The following GPC3 variants were observed in gnomAD, a reference collection of about 807,000 sequenced individuals.
The protein encoded by GPC3 is glypican-3.
Under a neutral mutation model 34.4 loss-of-function variants are expected in GPC3, and 3 were observed. The observed-to-expected ratio is 0.09, with a 90% CI of 0.04 to 0.23. The LOEUF (loss-of-function observed/expected upper bound fraction) is 0.23. GPC3 is among the 10% of genes least tolerant of loss of function. The probability of loss-of-function intolerance (pLI) is 1.00; values close to 1 mark genes in which losing one functional copy is unlikely to be tolerated. For missense variants in GPC3, 351 were observed against 445.6 expected, an observed-to-expected ratio of 0.79 and a Z score of 1.91; for synonymous variants, 177 against 174.0, an observed-to-expected ratio of 1.02 and a Z score of -0.13.
intron 2 of GPC3, among the ~76,000 whole-genome samples, chrX:133,932,716 C>T (rs973752202): frequency 3.6e-5 from 4 of 111,295 alleles, no homozygotes; most frequent in African/African-American, 1.3e-4. Flanking sequence ...GACCCCTTTA[C>T]GTATCTGACT....
At chrX:133,877,215 G>GTAA (rs1415988481) in intron 2 of GPC3, among the ~76,000 whole-genome samples, 1 of 111,541 alleles carries the variant, frequency 9.0e-6, no homozygotes, top group Non-Finnish European at 1.9e-5. Flanking sequence ...ATTAGAGTTT[G>GTAA]TAATAATAAT....
At chrX:133,777,712 G>A (rs1376074563) in intron 2 of GPC3, among the ~76,000 whole-genome samples, 2 of 111,696 alleles carry the variant, frequency 1.8e-5, no homozygotes, top group African/African-American at 6.5e-5. Flanking sequence ...TGGGGTGCTT[G>A]TTAAATATAC....
At chrX:133,943,070 A>G (rs1446922504) in intron 2 of GPC3, among the ~76,000 whole-genome samples, 2 of 112,017 alleles carry the variant, frequency 1.8e-5, no homozygotes, top group African/African-American at 6.5e-5. Flanking sequence ...AGGAAGAACA[A>G]CTATAAACAG....
intron 1 of GPC3, among the ~76,000 whole-genome samples, chrX:133,966,022 A>C (rs1372764390): frequency 8.9e-6 from 1 of 111,994 alleles, no homozygotes; most frequent in Non-Finnish European, 1.9e-5. Flanking sequence ...TTGAAGAAGT[A>C]ATATTAATAG....
At chrX:133,931,323 G>A (rs2076297615) in intron 2 of GPC3, among the ~76,000 whole-genome samples, 1 of 111,618 alleles carries the variant, frequency 9.0e-6, no homozygotes, top group African/African-American at 3.3e-5. Context: ...CCTGGAGAAC[G>A]TGGTACTTCA....
chrX:133,863,192 T>C (rs187996889), intron 2 of GPC3, among the ~76,000 whole-genome samples: 213 of 112,223 alleles, frequency 1.9e-3, no homozygotes, highest in African/African-American at 6.9e-3. Context: ...AAACAGCAAA[T>C]AAAACATCTT....
intron 2 of GPC3, among the ~76,000 whole-genome samples, chrX:133,783,726 A>G (rs1477228583): frequency 8.9e-6 from 1 of 111,740 alleles, no homozygotes; most frequent in Non-Finnish European, 1.9e-5. Context: ...AAGAGATACT[A>G]TTTTCAGAGG....
At chrX:133,929,327 CT>C (rs1057402017) in intron 2 of GPC3, among the ~76,000 whole-genome samples, 1 of 111,842 alleles carries the variant, frequency 8.9e-6, no homozygotes, top group Non-Finnish European at 1.9e-5. Context: ...TTGTTTCTTT[CT>C]TTTTGTTTTT....
At chrX:133,914,944 A>AATATATAT (rs35086661) in intron 2 of GPC3, among the ~76,000 whole-genome samples, 898 of 49,858 alleles carry the variant, frequency 0.018, 21 homozygotes, top group African/African-American at 0.052. Flanking sequence ...TCAAACTGGA[A>AATATATAT]ATATATATAT....
intron 5 of GPC3, among the ~76,000 whole-genome samples, chrX:133,676,598 C>A (rs1263517794): frequency 8.9e-6 from 1 of 112,251 alleles, no homozygotes; most frequent in Non-Finnish European, 1.9e-5. Flanking sequence ...ACTCTTTGCA[C>A]CTGCTCTCCT....
At chrX:133,795,150 T>A (rs1200007203) in intron 2 of GPC3, among the ~76,000 whole-genome samples, 2 of 112,752 alleles carry the variant, frequency 1.8e-5, no homozygotes, top group East Asian at 5.5e-4. Flanking sequence ...GATCATGTAA[T>A]GTTTTTGAAA....
chrX:133,984,026 ACCT>A (rs766655069), intron 1 of GPC3, among the ~76,000 whole-genome samples: 93 of 112,383 alleles, frequency 8.3e-4, no homozygotes, highest in Non-Finnish European at 1.1e-3. Context: ...TGCCTAGGTA[ACCT>A]CCTACCAGTG....
rs190636013 is a variant in GPC3 at position 133,749,598 on chromosome X, A to T, written c.1032+3884T>A. Among the ~76,000 whole-genome samples, 212 of 111,858 alleles carry T rather than the reference A, an allele frequency of 1.9e-3. 3 individuals carry two copies. The highest frequency in any genetic ancestry group is 6.6e-3 in the African/African-American group (202 of 30,825). On this transcript the variant is annotated intron_variant, in intron 3 of 7. Coordinates refer to ENST00000370818, the MANE Select transcript of GPC3 (RefSeq NM_004484.4). ...ACAATCTTCATAATCTGGGTAGATGACAGCCACAAAAACAACTAGGCAAAG... is the reference window on the plus strand; with the variant it reads ...ACAATCTTCATAATCTGGGTAGATGTCAGCCACAAAAACAACTAGGCAAAG...
At chrX:133,540,493 A>G (rs111456797) in intron 7 of GPC3, among the ~76,000 whole-genome samples, 6,959 of 111,728 alleles carry the variant, frequency 0.062, 570 homozygotes, top group African/African-American at 0.21. Context: ...ATAAGTGGGA[A>G]CTAAGCTATG....
intron 2 of GPC3, among the ~76,000 whole-genome samples, chrX:133,889,831 C>CTTTTTTTTTTTTTTTTTTTT (rs781203121): frequency 9.2e-5 from 7 of 75,798 alleles, no homozygotes; most frequent in African/African-American, 3.3e-4. Flanking sequence ...TTCTAGCCTT[C>CTTTTTTTTTTTTTTTTTTTT]TTTTTTTTTT....
At chrX:133,613,781 A>G (rs1302917774) in intron 6 of GPC3, among the ~76,000 whole-genome samples, 1 of 112,194 alleles carries the variant, frequency 8.9e-6, no homozygotes, top group Non-Finnish European at 1.9e-5. Flanking sequence ...AAGCACAGAC[A>G]TTGGACTTAT....
chrX:133,916,228 C>T (rs1198739540), intron 2 of GPC3, among the ~76,000 whole-genome samples: 1 of 109,605 alleles, frequency 9.1e-6, no homozygotes. Flanking sequence ...ATGGCATTGG[C>T]ATCCACATAA....
chrX:133,586,824 T>A (rs1224721834), intron 7 of GPC3, among the ~76,000 whole-genome samples: 5 of 111,860 alleles, frequency 4.5e-5, no homozygotes, highest in African/African-American at 1.6e-4. Flanking sequence ...CCTTCTTTTT[T>A]TATTTTTAAC....
rs35086661 is a variant in GPC3, at chrX:133,914,944, AATATATATATATAT to A, written c.337+38092_337+38105del. Among the ~76,000 whole-genome samples the A allele has an allele frequency of 5.0e-4, 25 of 49,944 alleles. 1 individual carries two copies. In the South Asian group the frequency reaches 8.4e-3, roughly 17 times the overall value. 43.4% of individuals were successfully genotyped at this position (49,944 alleles called of 115,157 possible). A position where few individuals can be genotyped will look rare whatever the true frequency, so the allele number is the denominator to read the frequency against. ...TTATGTATTTTTTCATCAAACTGGA[AATATATATATATAT>A]ATATATATATATATATATATATAAA... On this transcript the variant is annotated intron_variant, in intron 2 of 7. Transcript: ENST00000370818.
Sources: gnomAD v4.1 joint callset for allele counts (sites outside exome capture counted in the v4.1 genomes callset) on GRCh38, gnomAD v4.1.1 for gene constraint, MANE v1.5 for transcripts, NCBI Gene and HGNC (gene_info 2026-07-23, HGNC 2026-07-21) for gene names.